RAB7A: variants seen among roughly 807,000 people sequenced by gnomAD.
RAB7A encodes RAB7A, member RAS oncogene family.
RAB7A carries 2 observed loss-of-function variants against 24.5 expected under a neutral mutation model. That is an observed-to-expected ratio of 0.08 (90% CI 0.03 to 0.26). The LOEUF is 0.26. Among genes scored for constraint, RAB7A ranks in the 10% least tolerant of loss-of-function variants. The pLI, the probability that RAB7A is intolerant of heterozygous loss-of-function variation, is 1.00. For synonymous variants in RAB7A, 100 were observed against 95.9 expected (o/e 1.04, Z -0.25); for missense variants, 118 against 255.7 (o/e 0.46, Z 3.67).
chr3:128,806,615 T>G, intron 4 of RAB7A, 25 bp downstream of exon 4: 1 of 1,596,304 alleles, frequency 6.3e-7, no homozygotes, highest in East Asian at 2.2e-5. Flanking sequence ...TGATAGATAT[T>G]GTCACAGACA....
At chr3:128,733,166 A>G (rs897236157) in intron 1 of RAB7A, among the ~76,000 whole-genome samples, 4 of 152,222 alleles carry the variant, frequency 2.6e-5, no homozygotes. Flanking sequence ...GAGAATTTTT[A>G]TAAACCCAGA....
chr3:128,812,905 G>A (rs1161783090), intron 5 of RAB7A, among the ~76,000 whole-genome samples: 2 of 152,158 alleles, frequency 1.3e-5, no homozygotes, highest in Admixed American at 6.5e-5. Flanking sequence ...ACTGGCTGAG[G>A]GTTGCCAGAT....
chr3:128,765,104 A>G (rs2070816843), intron 1 of RAB7A: 9 of 754,474 alleles, frequency 1.2e-5, no homozygotes, highest in South Asian at 5.8e-5. Context: ...GGTGCAGTGA[A>G]GAGGGGACAG....
At chr3:128,748,548 G>A (rs1205393614) in intron 1 of RAB7A, 2 of 152,260 alleles carry the variant, frequency 1.3e-5, no homozygotes, top group Non-Finnish European at 2.9e-5. Flanking sequence ...TATACACCAG[G>A]ACTAGGTATG....
intron 1 of RAB7A, among the ~76,000 whole-genome samples, chr3:128,765,971 A>G (rs988376279): frequency 1.3e-5 from 2 of 152,100 alleles, no homozygotes; most frequent in East Asian, 1.9e-4. Context: ...CATGTTGGCC[A>G]GGCTGGTCTT....
At chr3:128,801,769 T>C (rs1933703738) in intron 3 of RAB7A, among the ~76,000 whole-genome samples, 1 of 152,164 alleles carries the variant, frequency 6.6e-6, no homozygotes, top group Non-Finnish European at 1.5e-5. Context: ...TGATATTTGC[T>C]GAGAATTTTC....
chr3:128,795,835 T>C (rs1044890586), intron 2 of RAB7A, among the ~76,000 whole-genome samples: 16 of 142,802 alleles, frequency 1.1e-4, no homozygotes, highest in African/African-American at 4.1e-4. Flanking sequence ...CACTGCAAGC[T>C]CCGCCTCCCG....
At chr3:128,764,663 G>A in intron 1 of RAB7A, 1 of 891,056 alleles carries the variant, frequency 1.1e-6, no homozygotes, top group Non-Finnish European at 1.9e-6. Context: ...GCTAGTTTGT[G>A]CAGTTCCAAT....
At chr3:128,756,901 T>C (rs919954062) in intron 1 of RAB7A, among the ~76,000 whole-genome samples, 1 of 151,292 alleles carries the variant, frequency 6.6e-6, no homozygotes, top group Non-Finnish European at 1.5e-5. Context: ...TGGAGTGCAG[T>C]GGCATGATCT....
At chr3:128,795,339 T>C in intron 1 of RAB7A, 21 bp from the exon 2 acceptor site, 1 of 1,599,750 alleles carries the variant, frequency 6.3e-7, no homozygotes, top group Non-Finnish European at 8.6e-7. Context: ...CTCACAGTGA[T>C]TTCTCCTTTT....
At chr3:128,737,768 C>A (rs2070505157) in intron 1 of RAB7A, among the ~76,000 whole-genome samples, 1 of 149,656 alleles carries the variant, frequency 6.7e-6, no homozygotes. Flanking sequence ...CTCATCTCAA[C>A]TTCCCCAGTA....
chr3:128,729,488 T>G (rs1273123556), intron 1 of RAB7A, among the ~76,000 whole-genome samples: 2 of 149,286 alleles, frequency 1.3e-5, no homozygotes, highest in East Asian at 3.9e-4. Context: ...GAGAATGGCG[T>G]GAACCCAGGA....
At chr3:128,805,002 G>A (rs1933770801) in intron 3 of RAB7A, among the ~76,000 whole-genome samples, 1 of 152,194 alleles carries the variant, frequency 6.6e-6, no homozygotes, top group South Asian at 2.1e-4. Context: ...AATGTGGAGA[G>A]TATCACATGT....
chr3:128,807,318 C>T (rs923528849), intron 4 of RAB7A, among the ~76,000 whole-genome samples: 4 of 152,138 alleles, frequency 2.6e-5, no homozygotes, highest in Non-Finnish European at 5.9e-5. Flanking sequence ...AGCTGTAGAC[C>T]GAGACAGGCT....
intron 3 of RAB7A, among the ~76,000 whole-genome samples, chr3:128,804,322 G>A (rs1055104890): frequency 7.9e-5 from 12 of 152,130 alleles, no homozygotes; most frequent in Non-Finnish European, 1.6e-4. Flanking sequence ...CTCCCCACAG[G>A]AAAGCCCTTT....
At chr3:128,731,386 A>G (rs896474067) in intron 1 of RAB7A, among the ~76,000 whole-genome samples, 1 of 152,238 alleles carries the variant, frequency 6.6e-6, no homozygotes, top group African/African-American at 2.4e-5. Flanking sequence ...ACTGCGGGTC[A>G]TTTAAAACCC....
chr3:128,809,939 T>C (rs1413103297), intron 5 of RAB7A, among the ~76,000 whole-genome samples: 2 of 46,306 alleles, frequency 4.3e-5, no homozygotes, highest in Admixed American at 2.5e-4. Flanking sequence ...CCACAGTCTT[T>C]TTTTTTTTTT....
intron 1 of RAB7A, among the ~76,000 whole-genome samples, chr3:128,736,312 G>C (rs1306540463): frequency 6.6e-6 from 1 of 152,150 alleles, no homozygotes; most frequent in Non-Finnish European, 1.5e-5. Flanking sequence ...TTCTGCGGAA[G>C]AACAGCCTTT....
intron 3 of RAB7A, among the ~76,000 whole-genome samples, chr3:128,800,512 C>G (rs1933675934): frequency 6.6e-6 from 1 of 152,144 alleles, no homozygotes; most frequent in Non-Finnish European, 1.5e-5. Context: ...ATCAGGAGAT[C>G]CACAGCGCAC....
Sources: gnomAD v4.1 joint callset for allele counts (sites outside exome capture counted in the v4.1 genomes callset) on GRCh38, gnomAD v4.1.1 for gene constraint, MANE v1.5 for transcripts, NCBI Gene and HGNC (gene_info 2026-07-23, HGNC 2026-07-21) for gene names.